DACH2: variants seen among roughly 807,000 people sequenced by gnomAD.
DACH2 encodes dachshund homolog 2.
Under a neutral mutation model 35.8 loss-of-function variants are expected in DACH2, and 17 were observed. The observed-to-expected ratio is 0.48, with a 90% CI of 0.33 to 0.71. The LOEUF (loss-of-function observed/expected upper bound fraction) is 0.71, where lower values mean the gene tolerates loss of function less well. Among genes scored for constraint, DACH2 ranks in the 30% least tolerant of loss-of-function variants. The pLI, the probability that DACH2 is intolerant of heterozygous loss-of-function variation, is 0.02. For missense variants in DACH2, 469 were observed against 472.7 expected (o/e 0.99, Z 0.07); for synonymous variants, 195 against 177.3 (o/e 1.10, Z -0.79).
chrX:86,306,916 G>T (rs1031520509), intron 1 of DACH2, among the ~76,000 whole-genome samples: 1 of 111,506 alleles, frequency 9.0e-6, no homozygotes, highest in Non-Finnish European at 1.9e-5. Flanking sequence ...GGTTTCTGAA[G>T]TTGGCTGCTT....
At chrX:86,708,547 G>C (rs1341657578) in intron 5 of DACH2, among the ~76,000 whole-genome samples, 1 of 96,758 alleles carries the variant, frequency 1.0e-5, no homozygotes, top group East Asian at 3.3e-4. Flanking sequence ...CTCTGAAACA[G>C]AAAGTCAAAA....
chrX:86,454,608 T>C (rs1409695259), intron 2 of DACH2, among the ~76,000 whole-genome samples: 1 of 112,448 alleles, frequency 8.9e-6, no homozygotes, highest in Non-Finnish European at 1.9e-5. Context: ...GTTGTCTGCT[T>C]TTTAGCTCTA....
chrX:86,442,205 G>A (rs190590370), intron 2 of DACH2, among the ~76,000 whole-genome samples: 71 of 109,890 alleles, frequency 6.5e-4, no homozygotes, highest in Non-Finnish European at 2.1e-4. Flanking sequence ...ACTCTAATTT[G>A]GGTGAAGTGA....
chrX:86,282,498 T>G (rs1156278889), intron 1 of DACH2, among the ~76,000 whole-genome samples: 1 of 110,714 alleles, frequency 9.0e-6, no homozygotes, highest in African/African-American at 3.3e-5. Context: ...ATATAAAAAT[T>G]AACTTAAAAT....
At chrX:86,310,055 G>A (rs1190184713) in intron 1 of DACH2, among the ~76,000 whole-genome samples, 1 of 112,335 alleles carries the variant, frequency 8.9e-6, no homozygotes, top group African/African-American at 3.2e-5. Flanking sequence ...CTAAGATTTT[G>A]GAGCAAGAAC....
chrX:86,606,283 A>G (rs1295284915), intron 3 of DACH2, among the ~76,000 whole-genome samples: 1 of 100,471 alleles, frequency 1.0e-5, no homozygotes, highest in Non-Finnish European at 2.0e-5. Context: ...ACATTGTTAG[A>G]TTTTTTATTT....
intron 4 of DACH2, among the ~76,000 whole-genome samples, chrX:86,665,906 C>T (rs1044950132): frequency 1.8e-5 from 2 of 111,392 alleles, no homozygotes; most frequent in African/African-American, 6.5e-5. Flanking sequence ...GTGCATACTT[C>T]GACATATAGA....
chrX:86,581,908 A>G (rs2039506070), intron 3 of DACH2, among the ~76,000 whole-genome samples: 2 of 111,685 alleles, frequency 1.8e-5, no homozygotes, highest in Admixed American at 9.6e-5. Context: ...AAACAACAGA[A>G]TATACATTCT....
At chrX:86,211,914 T>A (rs1347215290) in intron 1 of DACH2, among the ~76,000 whole-genome samples, 1 of 111,800 alleles carries the variant, frequency 8.9e-6, no homozygotes, top group East Asian at 2.8e-4. Flanking sequence ...TTAGAGTTGT[T>A]TGTAAAAAAT....
chrX:86,784,018 T>C (rs1349147131), intron 7 of DACH2, among the ~76,000 whole-genome samples: 1 of 110,573 alleles, frequency 9.0e-6, no homozygotes, highest in African/African-American at 3.3e-5. Flanking sequence ...ACTCGAAGGG[T>C]AAGTGCTTGA....
intron 3 of DACH2, among the ~76,000 whole-genome samples, chrX:86,643,482 CA>C (rs199775705): frequency 9.4e-6 from 1 of 105,867 alleles, no homozygotes; most frequent in African/African-American, 3.6e-5. Context: ...GCCTACCAAC[CA>C]AAAAAAGCCC....
intron 1 of DACH2, among the ~76,000 whole-genome samples, chrX:86,256,104 T>G (rs2033514283): frequency 9.0e-6 from 1 of 111,037 alleles, no homozygotes; most frequent in Non-Finnish European, 1.9e-5. Context: ...TTTTATTTTT[T>G]TAAAAAAAGA....
At chrX:86,702,500 A>G (rs1274601932) in intron 5 of DACH2, among the ~76,000 whole-genome samples, 1 of 111,838 alleles carries the variant, frequency 8.9e-6, no homozygotes, top group Non-Finnish European at 1.9e-5. Flanking sequence ...GTTCTGTGAA[A>G]AGATAAACAA....
At chrX:86,746,731 A>G (rs144862225) in intron 7 of DACH2, among the ~76,000 whole-genome samples, 3,466 of 110,819 alleles carry the variant, frequency 0.031, 133 homozygotes, top group African/African-American at 0.11. Context: ...TTATCTTTTT[A>G]CTGTTTTCGT....
At chrX:86,702,606 C>A (rs191151546) in intron 5 of DACH2, among the ~76,000 whole-genome samples, 39 of 111,355 alleles carry the variant, frequency 3.5e-4, no homozygotes, top group South Asian at 7.5e-4. Flanking sequence ...ACAACCAACA[C>A]CACAGAAATT....
intron 5 of DACH2, 88 bp from the exon 6 acceptor site, chrX:86,714,460 G>A: frequency 1.2e-6 from 1 of 853,640 alleles, no homozygotes. Context: ...GTTTTTATAA[G>A]AAAACTAAGA....
chrX:86,471,539 G>T (rs1414860325), intron 2 of DACH2, among the ~76,000 whole-genome samples: 1 of 111,126 alleles, frequency 9.0e-6, no homozygotes, highest in Non-Finnish European at 1.9e-5. Context: ...TAATAATTCA[G>T]TAAGACAGCA....
At chrX:86,703,180 C>T (rs2041163859) in intron 5 of DACH2, among the ~76,000 whole-genome samples, 1 of 57,475 alleles carries the variant, frequency 1.7e-5, no homozygotes, top group Admixed American at 2.3e-4. Flanking sequence ...ATATGATCAT[C>T]TCAATAAATG....
chrX:86,686,495 C>A (rs1470198050), intron 4 of DACH2, among the ~76,000 whole-genome samples: 1 of 110,435 alleles, frequency 9.1e-6, no homozygotes, highest in Non-Finnish European at 1.9e-5. Context: ...CCTCCCAAAG[C>A]GCTGGGATCA....
Sources: gnomAD v4.1 joint callset for allele counts (sites outside exome capture counted in the v4.1 genomes callset) on GRCh38, gnomAD v4.1.1 for gene constraint, MANE v1.5 for transcripts, NCBI Gene and HGNC (gene_info 2026-07-23, HGNC 2026-07-21) for gene names.